Variants in CFAP47 observed in about 807,000 individuals in gnomAD.
The protein encoded by CFAP47 is cilia and flagella associated protein 47.
A neutral mutation model predicts 148.1 loss-of-function variants in CFAP47; 29 were observed. The ratio of observed to expected loss-of-function variants is 0.20; its 90% CI spans 0.15 to 0.27. CFAP47 has a LOEUF of 0.27. CFAP47 is among the 10% of genes least tolerant of loss of function. The probability of loss-of-function intolerance (pLI) is 1.00; values close to 1 mark genes in which losing one functional copy is unlikely to be tolerated. For synonymous variants in CFAP47, 664 were observed against 577.3 expected (o/e 1.15, Z -2.15); for missense variants, 1,872 against 1,697.5 (o/e 1.10, Z -1.81).
intron 13 of CFAP47, among the ~76,000 whole-genome samples, chrX:35,972,220 T>C (rs1233363858): frequency 9.8e-6 from 1 of 102,553 alleles, no homozygotes; most frequent in Non-Finnish European, 1.9e-5. Context: ...AGTTACTCTC[T>C]ATTTCTTTCT....
rs1415611894 is a variant in CFAP47 at position 35,941,297 on chromosome X, G to A, written c.416G>A (p.Cys139Tyr). ...EIPLIGLIPS[C>Y]QLEIESVVNF... The stretch of plus-strand genomic sequence containing the variant: ...CTCCTCCCTAGGTTGATTCCATCCT[G>A]TCAATTGGAAATTGAATCAGTAGTT... The change falls in exon 3 of 64, where the codon TGT (cysteine) becomes TAT (tyrosine). Residue 139 changes from cysteine to tyrosine, a missense_variant. Cys to Tyr is a radical substitution (Grantham distance 194). Coordinates refer to ENST00000378653, the MANE Select transcript of CFAP47 (RefSeq NM_001304548.2). The A allele has an allele frequency of 8.7e-7, 1 of 1,153,025 alleles. No individual in the cohort carries two copies. Among genetic ancestry groups the A allele is most frequent in the African/African-American group, 1.8e-5 (1 of 55,165 alleles).
intron 46 of CFAP47, among the ~76,000 whole-genome samples, chrX:36,235,315 G>A (rs868978103): frequency 1.9e-4 from 21 of 112,313 alleles, no homozygotes; most frequent in Middle Eastern, 4.6e-3. Flanking sequence ...AACAAGCCTG[G>A]GCAATGGCAG....
intron 33 of CFAP47, among the ~76,000 whole-genome samples, chrX:36,131,049 C>G (rs1938939356): frequency 9.1e-6 from 1 of 110,343 alleles, no homozygotes; most frequent in South Asian, 3.8e-4. Flanking sequence ...AACAACTGTA[C>G]TTGTTAAAAT....
chrX:36,036,460 A>G (rs746439793), intron 24 of CFAP47, among the ~76,000 whole-genome samples: 12 of 111,160 alleles, frequency 1.1e-4, no homozygotes, highest in Non-Finnish European at 1.9e-4. Flanking sequence ...TCATCCATCA[A>G]TGGACACTTT....
chrX:36,325,158 T>A (rs1941507775), intron 57 of CFAP47, among the ~76,000 whole-genome samples: 1 of 111,979 alleles, frequency 8.9e-6, no homozygotes, highest in Non-Finnish European at 1.9e-5. Flanking sequence ...ATATAATAAT[T>A]TAAAGGCATT....
chrX:36,069,748 T>G (rs1457190960), intron 27 of CFAP47, among the ~76,000 whole-genome samples: 1 of 110,922 alleles, frequency 9.0e-6, no homozygotes, highest in Non-Finnish European at 1.9e-5. Flanking sequence ...CCCAGGGAAT[T>G]CTAATGAAAT....
At chrX:36,013,479 A>G (rs146063151) in intron 21 of CFAP47, among the ~76,000 whole-genome samples, 1,496 of 112,018 alleles carry the variant, frequency 0.013, 20 homozygotes, top group African/African-American at 0.046. Context: ...AATTGGGCAA[A>G]AAATAACAAA....
intron 48 of CFAP47, among the ~76,000 whole-genome samples, chrX:36,240,441 A>G (rs73197200): frequency 0.056 from 6,275 of 111,408 alleles, 155 homozygotes; most frequent in Middle Eastern, 0.14. Context: ...ATATAGTTAT[A>G]AAAATAATGA....
At chrX:36,118,482 T>G (rs1938681120) in intron 33 of CFAP47, among the ~76,000 whole-genome samples, 1 of 110,929 alleles carries the variant, frequency 9.0e-6, no homozygotes, top group Non-Finnish European at 1.9e-5. Flanking sequence ...ATTTATTTAT[T>G]TTTTTGAGAT....
At chrX:36,306,679 A>G in intron 54 of CFAP47, 93 bp from the exon 55 acceptor site, 1 of 446,628 alleles carries the variant, frequency 2.2e-6, no homozygotes, top group Non-Finnish European at 3.9e-6. Flanking sequence ...TCACACAAAC[A>G]TCGACCCTGC....
intron 55 of CFAP47, among the ~76,000 whole-genome samples, chrX:36,309,772 C>T (rs1161836412): frequency 3.6e-5 from 4 of 111,277 alleles, no homozygotes; most frequent in African/African-American, 1.3e-4. Flanking sequence ...ACTTAAACCA[C>T]TTTTTAATTT....
intron 33 of CFAP47, among the ~76,000 whole-genome samples, chrX:36,133,122 A>ATTGGTAGATC (rs1938978554): frequency 9.0e-6 from 1 of 111,266 alleles, no homozygotes; most frequent in African/African-American, 3.3e-5. Flanking sequence ...GAGGCCAAGT[A>ATTGGTAGATC]TACACTAGTG....
chrX:36,103,771 A>G (rs1248810102), intron 32 of CFAP47, among the ~76,000 whole-genome samples: 4 of 111,123 alleles, frequency 3.6e-5, no homozygotes, highest in Admixed American at 1.9e-4. Flanking sequence ...CTCTTGAGAT[A>G]TATATAGTGA....
At chrX:36,316,628 T>C (rs1227963938) in intron 56 of CFAP47, among the ~76,000 whole-genome samples, 1 of 112,194 alleles carries the variant, frequency 8.9e-6, no homozygotes, top group Non-Finnish European at 1.9e-5. Flanking sequence ...ATGACCATAC[T>C]GTGTCTCATC....
At position 36,137,858 on chromosome X, in the gene CFAP47, C is replaced by A. The variant is rs761507158; in HGVS notation, c.5321-100C>A. The A allele has an allele frequency of 5.8e-4, 215 of 371,707 alleles. 2 individuals carry two copies. In the Middle Eastern group the frequency reaches 7.3e-3, roughly 13 times the overall value. The allele number at this position is 371,707 out of a possible 1,213,427, so 30.6% of individuals were successfully genotyped here. On this transcript the variant is annotated intron_variant, in intron 33 of 63. Transcript: ENST00000378653. ...TATAATATACTTTTTGTTTCCCAAG[C>A]AGAAGCAAAATTTTCTTTTACTATT...
At chrX:35,940,615 C>T (rs1935991397) in intron 2 of CFAP47, among the ~76,000 whole-genome samples, 1 of 110,758 alleles carries the variant, frequency 9.0e-6, no homozygotes, top group Non-Finnish European at 1.9e-5. Flanking sequence ...TATATATTAC[C>T]AAAATCTTAA....
At chrX:36,262,006 C>T (rs1940834013) in intron 49 of CFAP47, among the ~76,000 whole-genome samples, 1 of 111,322 alleles carries the variant, frequency 9.0e-6, no homozygotes, top group African/African-American at 3.2e-5. Context: ...GGGGCTGACC[C>T]CCCACCTCCT....
intron 29 of CFAP47, among the ~76,000 whole-genome samples, chrX:36,075,518 G>T (rs112114827): frequency 8.9e-6 from 1 of 111,872 alleles, no homozygotes; most frequent in Non-Finnish European, 1.9e-5. Context: ...GAGCCACTGC[G>T]CCCAGCCTGT....
intron 2 of CFAP47, among the ~76,000 whole-genome samples, chrX:35,939,477 A>T (rs1204898020): frequency 2.4e-5 from 2 of 82,739 alleles, no homozygotes; most frequent in Non-Finnish European, 4.5e-5. Context: ...CCAGAGTGTG[A>T]TGCTCCCCTT....
Sources: allele counts gnomAD v4.1 joint callset (sites outside exome capture counted in the v4.1 genomes callset), GRCh38; gene constraint gnomAD v4.1.1; transcripts MANE v1.5; gene names NCBI Gene and HGNC (gene_info 2026-07-23, HGNC 2026-07-21).